PSMC3: variants seen among roughly 807,000 people sequenced by gnomAD.
The protein encoded by PSMC3 is proteasome 26S subunit, ATPase 3, also known as 26S proteasome regulatory subunit 6A.
PSMC3 carries 11 observed loss-of-function variants against 52.0 expected under a neutral mutation model. The observed-to-expected ratio is 0.21, with a 90% CI of 0.13 to 0.35. PSMC3 has a LOEUF of 0.35. Among genes scored for constraint, PSMC3 ranks in the 10% least tolerant of loss-of-function variants. The pLI is 1.00. For synonymous variants in PSMC3, 201 were observed against 218.8 expected (o/e 0.92, Z 0.72); for missense variants, 238 against 567.1 (o/e 0.42, Z 5.89).
In PSMC3 at chr11:47,426,214, A is replaced by G; in HGVS notation, c.66T>C (p.Asp22=). The G allele has an allele frequency of 6.4e-7, 1 of 1,559,594 alleles. No homozygotes were observed. The highest frequency in any genetic ancestry group is 8.7e-7 in the Non-Finnish European group (1 of 1,152,662). The change falls in exon 1 of 12, where the codon GAT becomes GAC. Residue 22 remains aspartate, a synonymous_variant. Coordinates refer to ENST00000298852, the MANE Select transcript of PSMC3 (RefSeq NM_002804.5). ...TRQEKMATVW[D]EAEQDGIGEE... ...CTCGCCCGGTGCCCACCTCGGCCTC[A>G]TCCCACACGGTCGCCATCTTCTCCT...
At position 47,426,250 on chromosome 11, in the gene PSMC3, TG is replaced by T. The variant is rs769246856; in HGVS notation, c.29del (p.Pro10GlnfsTer2). ...TCGCCATCTTCTCCTGCCGAGTCAC[TG>T]GACTCTCAATATTCGGCAGCAGATT... MNLLPNIES[P>X]VTRQEKMATV... On this transcript the variant is annotated frameshift_variant, in exon 1 of 12. Transcript: ENST00000298852. LOFTEE classifies it high-confidence loss of function. 46 of 1,558,392 alleles carry T rather than the reference TG, an allele frequency of 3.0e-5. No homozygotes were observed. Among genetic ancestry groups the T allele is most frequent in the Non-Finnish European group, 3.9e-5 (45 of 1,151,180 alleles).
rs984256684 is a variant in PSMC3, at chr11:47,420,744, C to A, written c.885-17G>T. ...CTGTCAAAGCTAGGGCACAGGAAGC[C>A]CGAGATGCTGGTGAGGGCACAGCTT... On this transcript the variant is annotated splice_polypyrimidine_tract_variant and intron_variant, in intron 8 of 11. Coordinates refer to ENST00000298852, the MANE Select transcript of PSMC3 (RefSeq NM_002804.5). The A allele has an allele frequency of 5.2e-6, 8 of 1,552,686 alleles. No homozygotes were observed. In the African/African-American group the frequency reaches 8.2e-5, roughly 16 times the overall value.
intron 8 of PSMC3, among the ~76,000 whole-genome samples, chr11:47,421,789 A>G (rs2096040873): frequency 6.6e-6 from 1 of 151,996 alleles, no homozygotes; most frequent in African/African-American, 2.4e-5. Flanking sequence ...AGTAGCTGGA[A>G]TTACAGGCGC....
intron 11 of PSMC3, 61 bp from the exon 12 acceptor site, chr11:47,419,006 A>T: frequency 6.2e-7 from 1 of 1,606,286 alleles, no homozygotes; most frequent in Non-Finnish European, 8.5e-7. Flanking sequence ...TGGCTCCCTG[A>T]GGCTCAGGCC....
intron 2 of PSMC3, 72 bp downstream of exon 2, chr11:47,425,795 C>T (rs10838709): frequency 0.37 from 514,301 of 1,381,508 alleles, 99,471 homozygotes; most frequent in South Asian, 0.48. Flanking sequence ...TTAGGAAGTA[C>T]GAGAGGCGAC....
In PSMC3 at chr11:47,424,194, A is replaced by C. The variant is rs766654467; in HGVS notation, c.454-11T>G. The C allele has an allele frequency of 1.9e-6, 3 of 1,614,230 alleles. No individual in the cohort carries two copies. In the East Asian group the frequency reaches 6.7e-5, roughly 36 times the overall value. On this transcript the variant is annotated splice_polypyrimidine_tract_variant and intron_variant, in intron 5 of 11. Transcript: ENST00000298852. The surrounding 1 kb of genome is among the most constrained non-coding windows in gnomAD (Gnocchi z 4.8). ...GTCTTTGTTCACACCCTAAGGACAC[A>C]GCACAGGGCCTTCAGATTTGGCCCA...
At position 47,426,365 on chromosome 11, in the gene PSMC3, C is replaced by A. The variant is rs2096046516; in HGVS notation, c.-86G>T. On this transcript the variant is annotated 5_prime_UTR_variant, in exon 1 of 12. Transcript: ENST00000298852. Reference sequence around the variant, plus strand: ...GTCTTTCTTAAAGCCTTCTCTTGACCAGTGGAAAACCTCTCCCCACAAATC... The same window carrying A: ...GTCTTTCTTAAAGCCTTCTCTTGACAAGTGGAAAACCTCTCCCCACAAATC... 1 of 1,245,608 alleles carries A rather than the reference C, an allele frequency of 8.0e-7. No individual in the cohort carries two copies. The highest frequency in any genetic ancestry group is 1.5e-5 in the South Asian group (1 of 67,100). 77.2% of individuals were successfully genotyped at this position (1,245,608 alleles called of 1,614,324 possible).
In PSMC3 at chr11:47,425,575, T is replaced by C. The variant is rs546467795; in HGVS notation, c.159+292A>G. On this transcript the variant is annotated intron_variant, in intron 2 of 11. Coordinates refer to ENST00000298852, the MANE Select transcript of PSMC3 (RefSeq NM_002804.5). ...ACCTCTCTGGGCCTGTCTCCTCATC[T>C]GTAAAATAGGCATTTTACTAAAAGA... 2.1e-5 allele frequency: 11 copies of C among 534,596 alleles called. No individual in the cohort carries two copies. The South Asian group carries it at 2.5e-4, about 12-fold the overall frequency. 33.1% of individuals were successfully genotyped at this position (534,596 alleles called of 1,614,324 possible). A position where few individuals can be genotyped will look rare whatever the true frequency, so the allele number is the denominator to read the frequency against.
chr11:47,426,392 C>A lies in PSMC3; in HGVS notation c.-113G>T. 1.0e-6 allele frequency: 1 copy of A among 995,118 alleles called. No individual in the cohort carries two copies. The highest frequency in any genetic ancestry group is 1.5e-6 in the Non-Finnish European group (1 of 689,296). The allele number at this position is 995,118 out of a possible 1,614,324, so 61.6% of individuals were successfully genotyped here. On this transcript the variant is annotated 5_prime_UTR_variant, in exon 1 of 12. Coordinates refer to ENST00000298852, the MANE Select transcript of PSMC3 (RefSeq NM_002804.5). ...GTGGAAAACCTCTCCCCACAAATCC[C>A]GACTCTTGACCCGACCAGCTCCGGC...
chr11:47,420,218 C>T (rs750931102), intron 10 of PSMC3, 46 bp downstream of exon 10: 1 of 1,600,566 alleles, frequency 6.2e-7, no homozygotes, highest in Non-Finnish European at 8.6e-7. Flanking sequence ...GAGACATCCT[C>T]CTGCGCCTGT....
intron 8 of PSMC3, among the ~76,000 whole-genome samples, chr11:47,421,810 A>C (rs899866681): frequency 2.6e-5 from 4 of 151,440 alleles, no homozygotes. Context: ...ACACCACCAC[A>C]CCCGGCTAAT....
intron 2 of PSMC3, 184 bp downstream of exon 2, chr11:47,425,683 C>A (rs1040212866): frequency 1.7e-6 from 1 of 585,032 alleles, no homozygotes. Flanking sequence ...CCTCCCACCA[C>A]CCCCTACCTG....
chr11:47,422,522 C>T lies in PSMC3; in HGVS notation c.884+52G>A, dbSNP rs370974541. ...AATTTAGCACAACTGAGAGTCAACC[C>T]GCTTCCCCTTACCGCCACAGAGATC... On this transcript the variant is annotated intron_variant, in intron 8 of 11. Transcript: ENST00000298852. The surrounding 1 kb of genome is among the most constrained non-coding windows in gnomAD (Gnocchi z 4.3). 202 of 1,602,114 alleles carry T rather than the reference C, an allele frequency of 1.3e-4. 1 individual carries two copies. The highest frequency in any genetic ancestry group is 7.3e-4 in the South Asian group (66 of 90,300).
At position 47,419,116 on chromosome 11, in the gene PSMC3, C is replaced by T. The variant is rs775657565; in HGVS notation, c.1209G>A (p.Ala403=). Residue 403 remains alanine, a splice_region_variant and synonymous_variant, in exon 11 of 12, where the codon GCG becomes GCA. Coordinates refer to ENST00000298852, the MANE Select transcript of PSMC3 (RefSeq NM_002804.5). ...GAQCKAVCVE[A]GMIALRRGAT... is the part of the protein sequence containing the mutation. ...GCACCCACCCCAGCTGACCACTCAC[C>T]GCCTCCACACACACAGCCTTGCACT... 8.7e-6 allele frequency: 14 copies of T among 1,614,090 alleles called. No individual in the cohort carries two copies. The highest frequency in any genetic ancestry group is 1.3e-5 in the African/African-American group (1 of 75,010).
intron 6 of PSMC3, 57 bp from the exon 7 acceptor site, chr11:47,423,030 A>G (rs2096042476): frequency 1.3e-6 from 2 of 1,517,394 alleles, no homozygotes; most frequent in Admixed American, 2.1e-5. Flanking sequence ...CTACAGCCCA[A>G]CCCTTCATGG....
In PSMC3 at chr11:47,418,930, G is replaced by A. The variant is rs1027643207; in HGVS notation, c.1225C>T (p.Arg409Cys). 7 of 1,614,024 alleles carry A rather than the reference G, an allele frequency of 4.3e-6. No individual in the cohort carries two copies. The highest frequency in any genetic ancestry group is 4.5e-5 in the East Asian group (2 of 44,904). ...VCVEAGMIAL[R>C]RGATELTHED... ...TGGGTGAGCTCCGTGGCACCCCTGC[G>A]CAGTGCGATCATGCCCTACAGCCGG... Residue 409 changes from arginine (R) to cysteine (C), a missense_variant, in exon 12 of 12, where the codon CGC (arginine) becomes TGC (cysteine). Physicochemically the swap from Arg to Cys is radical, Grantham distance 180 (BLOSUM62 -3). Around this residue, in one of 6 missense-constraint regions of PSMC3, gnomAD observed 23 missense variants for 64.6 expected, o/e 0.36. Transcript: ENST00000298852.
Position 47,424,226 on chromosome 11 carries a change from G to C in PSMC3, c.454-43C>G. 1 of 1,613,916 alleles carries C rather than the reference G, an allele frequency of 6.2e-7. No individual in the cohort carries two copies. The highest frequency in any genetic ancestry group is 1.1e-5 in the South Asian group (1 of 91,078). On this transcript the variant is annotated intron_variant, in intron 5 of 11. Transcript: ENST00000298852. The surrounding 1 kb of genome is among the most constrained non-coding windows in gnomAD (Gnocchi z 4.8). ...GGCCTTCAGATTTGGCCCAGCTCAA[G>C]GGCTACCCAACTGACTGGGTGACAG...
chr11:47,425,796 G>A (rs2096045724), intron 2 of PSMC3, 71 bp downstream of exon 2: 1 of 1,396,702 alleles, frequency 7.2e-7, no homozygotes, highest in Non-Finnish European at 9.9e-7. Flanking sequence ...TAGGAAGTAC[G>A]AGAGGCGACT....
chr11:47,425,916 G>C lies in PSMC3; in HGVS notation c.110C>G (p.Ser37Cys). 1 of 1,614,016 alleles carries C rather than the reference G, an allele frequency of 6.2e-7. No individual in the cohort carries two copies. Among genetic ancestry groups the C allele is most frequent in the Non-Finnish European group, 8.5e-7 (1 of 1,179,878 alleles). ...DGIGEEVLKM[S>C]TEEIIQRTRL... Reference sequence around the variant, plus strand: ...TGTGCGCTGGATGATCTCCTCCGTGGACATCTTGAGCACCTCCTCCCCAAT... The same window carrying C: ...TGTGCGCTGGATGATCTCCTCCGTGCACATCTTGAGCACCTCCTCCCCAAT... Residue 37 changes from serine to cysteine, a missense_variant, in exon 2 of 12, where the codon TCC (serine) becomes TGC (cysteine). Ser to Cys is a moderately radical substitution (Grantham distance 112). This residue lies in a region of PSMC3 where 48 missense variants were observed against 63.4 expected (regional missense o/e 0.76). Transcript: ENST00000298852.
Sources: gnomAD v4.1 joint callset for allele counts (sites outside exome capture counted in the v4.1 genomes callset) on GRCh38, gnomAD v4.1.1 for gene constraint, gnomAD v4.1.1 regional missense constraint, Gnocchi (gnomAD v3.1) non-coding constraint, MANE v1.5 for transcripts, NCBI Gene and HGNC (gene_info 2026-07-23, HGNC 2026-07-21) for gene names.